Variants in RBFOX3 observed in about 807,000 individuals in gnomAD.
RBFOX3 encodes the protein RNA binding protein fox-1 homolog 3.
RBFOX3 carries 17 observed loss-of-function variants against 48.7 expected under a neutral mutation model. The observed-to-expected ratio is 0.35, with a 90% CI of 0.24 to 0.52. The LOEUF (loss-of-function observed/expected upper bound fraction) is 0.52. Ranked by LOEUF, RBFOX3 falls within the 20% of genes least tolerant of loss-of-function variation. RBFOX3 has a pLI of 0.94. For synonymous variants in RBFOX3, 212 were observed against 209.5 expected, an observed-to-expected ratio of 1.01 and a Z score of -0.10; for missense variants, 382 against 497.5, an observed-to-expected ratio of 0.77 and a Z score of 2.21.
intron 9 of RBFOX3, among the ~76,000 whole-genome samples, chr17:79,101,076 TG>T (rs1355795061): frequency 1.3e-5 from 2 of 152,134 alleles, no homozygotes; most frequent in African/African-American, 2.4e-5. Context: ...CGAACAGCTC[TG>T]GGGGATGGTG....
chr17:79,373,260 C>T (rs889009245), intron 2 of RBFOX3, among the ~76,000 whole-genome samples: 12 of 152,216 alleles, frequency 7.9e-5, no homozygotes, highest in Admixed American at 5.9e-4. Context: ...CCCACACATA[C>T]ATACTCAACT....
intron 4 of RBFOX3, among the ~76,000 whole-genome samples, chr17:79,172,957 C>T (rs980707553): frequency 6.6e-6 from 1 of 152,180 alleles, no homozygotes; most frequent in Non-Finnish European, 1.5e-5. Flanking sequence ...GCCCGTAATT[C>T]CAGCACTTTG....
chr17:79,442,283 G>C (rs1555735410), intron 2 of RBFOX3, among the ~76,000 whole-genome samples: 1 of 26,292 alleles, frequency 3.8e-5, no homozygotes. Context: ...GAGAGAGAGG[G>C]AGAGAGGGAG....
chr17:79,428,851 A>C (rs2067884570), intron 2 of RBFOX3, among the ~76,000 whole-genome samples: 1 of 152,196 alleles, frequency 6.6e-6, no homozygotes, highest in African/African-American at 2.4e-5. Context: ...GTATGAATTT[A>C]ACTGTTCTAG....
At position 79,097,754 on chromosome 17, in the gene RBFOX3, A is replaced by T; in HGVS notation, c.569-9T>A. The T allele has an allele frequency of 6.4e-7, 1 of 1,551,390 alleles. No homozygotes were observed. Among genetic ancestry groups the T allele is most frequent in the Non-Finnish European group, 8.7e-7 (1 of 1,146,878 alleles). On this transcript the variant is annotated splice_polypyrimidine_tract_variant and intron_variant, in intron 9 of 14. Transcript: ENST00000693108. The stretch of plus-strand genomic sequence containing the variant: ...TGGATTTAGCTTCCAGCCTAAAACA[A>T]AGGCACAGAGACCTAGTCACTGCCT...
intron 2 of RBFOX3, among the ~76,000 whole-genome samples, chr17:79,344,541 T>TTATTTATTTATTTATTTATG (rs1555679694): frequency 8.1e-5 from 2 of 24,742 alleles, no homozygotes; most frequent in African/African-American, 3.1e-4. Flanking sequence ...CTTTGTTTGA[T>TTATTTATTTATTTATTTATG]TATTTATTTA....
the RBFOX3 span, among the ~76,000 whole-genome samples, chr17:79,628,301 T>C: frequency 6.6e-6 from 1 of 152,062 alleles, no homozygotes; most frequent in Admixed American, 6.5e-5. Flanking sequence ...CTGGCCCCAA[T>C]GCGCTTCCTG....
At chr17:79,616,360 A>C in the RBFOX3 span, among the ~76,000 whole-genome samples, 4 of 151,824 alleles carry the variant, frequency 2.6e-5, no homozygotes, top group Admixed American at 2.6e-4. Flanking sequence ...ACATGGCGAA[A>C]CCCCCTCTCT....
At chr17:79,433,206 T>C (rs1488673769) in intron 2 of RBFOX3, among the ~76,000 whole-genome samples, 2 of 152,166 alleles carry the variant, frequency 1.3e-5, no homozygotes, top group East Asian at 3.9e-4. Flanking sequence ...CCCACTCGCA[T>C]CCTCTGTTCC....
At position 79,570,135 on chromosome 17, in the gene RBFOX3, GA is replaced by G. The variant is rs1177123602; in HGVS notation, c.-320+40690del. ...GGTAGATTATGGATGGTAGATGGATGAATGGCAAATGGACAGATGGATAATA... is the reference window on the plus strand; with the variant it reads ...GGTAGATTATGGATGGTAGATGGATGATGGCAAATGGACAGATGGATAATA... On this transcript the variant is annotated intron_variant, in intron 1 of 14. Transcript: ENST00000693108. Among the ~76,000 whole-genome samples, 6 of 150,746 alleles carry G rather than the reference GA, an allele frequency of 4.0e-5. No homozygotes were observed. The East Asian group carries it at 1.2e-3, about 31-fold the overall frequency.
chr17:79,330,010 C>G (rs892964016), intron 2 of RBFOX3, among the ~76,000 whole-genome samples: 2 of 152,168 alleles, frequency 1.3e-5, no homozygotes, highest in Non-Finnish European at 2.9e-5. Flanking sequence ...CAACACCCAC[C>G]CAGGCCTGCA....
chr17:79,470,325 G>A (rs1198349222), intron 2 of RBFOX3, among the ~76,000 whole-genome samples: 1 of 152,176 alleles, frequency 6.6e-6, no homozygotes, highest in East Asian at 1.9e-4. Context: ...CTGGACAGAG[G>A]GGAAAGAGTA....
rs140996390 is a variant in RBFOX3 at position 79,428,370 on chromosome 17, G to A, written c.-175+54084C>T. On this transcript the variant is annotated intron_variant, in intron 2 of 14. Transcript: ENST00000693108. ...GGTCTGGGAGCCACTCTCCACCTGCGTCTGCCCCCGCCCAGCCTTCGCATC... is the reference window on the plus strand; with the variant it reads ...GGTCTGGGAGCCACTCTCCACCTGCATCTGCCCCCGCCCAGCCTTCGCATC... Among the ~76,000 whole-genome samples the A allele has an allele frequency of 2.2e-3, 339 of 152,320 alleles. 2 individuals carry two copies. The highest frequency in any genetic ancestry group is 6.7e-3 in the African/African-American group (277 of 41,570).
chr17:79,583,974 C>T (rs2093159627), intron 1 of RBFOX3, among the ~76,000 whole-genome samples: 2 of 152,058 alleles, frequency 1.3e-5, no homozygotes, highest in African/African-American at 4.8e-5. Flanking sequence ...AGGAGCCCAG[C>T]CTCCGCCTTG....
intron 4 of RBFOX3, among the ~76,000 whole-genome samples, chr17:79,217,502 C>T (rs1282001407): frequency 6.6e-6 from 1 of 152,134 alleles, no homozygotes; most frequent in Non-Finnish European, 1.5e-5. Context: ...AGGGCAGATA[C>T]CAGGAACAAG....
the RBFOX3 span, among the ~76,000 whole-genome samples, chr17:79,634,788 A>G: frequency 5.1e-4 from 78 of 152,020 alleles, no homozygotes; most frequent in Admixed American, 4.6e-4. Flanking sequence ...ACTGGGGAGC[A>G]ATGGCTCACA....
chr17:79,170,120 A>AGGAAGGGAGG (rs2048876097), intron 4 of RBFOX3, among the ~76,000 whole-genome samples: 2 of 139,772 alleles, frequency 1.4e-5, no homozygotes, highest in South Asian at 2.5e-4. Flanking sequence ...AGGAGGAAGG[A>AGGAAGGGAGG]AGGAAGGAAG....
chr17:79,442,363 GAGAGAGAGAGAGAGAGAGA>G (rs1227625428), intron 2 of RBFOX3, among the ~76,000 whole-genome samples: 1 of 6,480 alleles, frequency 1.5e-4, no homozygotes, highest in East Asian at 4.3e-3. Context: ...AAGAGGGGGG[GAGAGAGAGAGAGAGAGAGA>G]GAGAGAGAGA....
chr17:79,093,929 G>T (rs1279707134), intron 14 of RBFOX3, among the ~76,000 whole-genome samples: 1 of 152,118 alleles, frequency 6.6e-6, no homozygotes, highest in Non-Finnish European at 1.5e-5. Context: ...AGGACGCCAG[G>T]AGCCCCCAGG....
Sources: gnomAD v4.1 joint callset for allele counts (sites outside exome capture counted in the v4.1 genomes callset) on GRCh38, gnomAD v4.1.1 for gene constraint, MANE v1.5 for transcripts, NCBI Gene and HGNC (gene_info 2026-07-23, HGNC 2026-07-21) for gene names.